Variants in VGLL4 observed in about 807,000 individuals in gnomAD.
VGLL4 encodes vestigial like family member 4, also known as transcription cofactor vestigial-like protein 4.
Under a neutral mutation model 21.0 loss-of-function variants are expected in VGLL4, and 7 were observed. That is an observed-to-expected ratio of 0.33 (90% CI 0.19 to 0.63). The LOEUF is 0.63. Among genes scored for constraint, VGLL4 ranks in the 20% least tolerant of loss-of-function variants. The probability of loss-of-function intolerance (pLI) is 0.78; values close to 1 mark genes in which losing one functional copy is unlikely to be tolerated. For synonymous variants in VGLL4, 222 were observed against 173.2 expected, an observed-to-expected ratio of 1.28 and a Z score of -2.21; for missense variants, 394 against 425.7, an observed-to-expected ratio of 0.93 and a Z score of 0.66.
chr3:11,581,580 A>C (rs542211515), intron 2 of VGLL4, among the ~76,000 whole-genome samples: 144 of 152,282 alleles, frequency 9.5e-4, no homozygotes, highest in Non-Finnish European at 1.7e-3. Context: ...TGACCGTACA[A>C]GTTACTGAGA....
intron 1 of VGLL4, chr3:11,604,225 C>T (rs1024590804): frequency 6.2e-5 from 19 of 305,498 alleles, no homozygotes; most frequent in African/African-American, 4.4e-4. Flanking sequence ...TGTAGTACTT[C>T]AGCATCTCAG....
intron 2 of VGLL4, among the ~76,000 whole-genome samples, chr3:11,684,730 C>CTGTGTGTGTGTG (rs61220485): frequency 0.015 from 2,222 of 148,756 alleles, 17 homozygotes; most frequent in South Asian, 0.022. Context: ...CAACCTTTTT[C>CTGTGTGTGTGTG]TGTGTGTGTG....
chr3:11,609,979 G>A (rs1298422947), intron 1 of VGLL4, among the ~76,000 whole-genome samples: 1 of 152,180 alleles, frequency 6.6e-6, no homozygotes, highest in Non-Finnish European at 1.5e-5. Context: ...TCTCCGCTGT[G>A]TCTAAGGCTT....
At chr3:11,578,120 C>T (rs1216220891) in intron 2 of VGLL4, among the ~76,000 whole-genome samples, 2 of 152,220 alleles carry the variant, frequency 1.3e-5, no homozygotes, top group Non-Finnish European at 2.9e-5. Flanking sequence ...TAACCTAAAG[C>T]ATCAGGATTA....
chr3:11,585,319 C>A (rs1211881016), intron 2 of VGLL4, among the ~76,000 whole-genome samples: 1 of 151,512 alleles, frequency 6.6e-6, no homozygotes, highest in Non-Finnish European at 1.5e-5. Flanking sequence ...GCCTGTAGTC[C>A]CAGCTACTTA....
At chr3:11,595,176 AC>A (rs879464262) in intron 2 of VGLL4, among the ~76,000 whole-genome samples, 17,102 of 152,262 alleles carry the variant, frequency 0.11, 1,160 homozygotes, top group East Asian at 0.25. Context: ...AAACAAACAA[AC>A]AAACAAAATA....
At chr3:11,598,230 T>C (rs917769428) in intron 2 of VGLL4, among the ~76,000 whole-genome samples, 2 of 151,058 alleles carry the variant, frequency 1.3e-5, no homozygotes, top group African/African-American at 4.9e-5. Flanking sequence ...TTTCACCATA[T>C]TGATCAGTCT....
intron 2 of VGLL4, among the ~76,000 whole-genome samples, chr3:11,657,668 G>T (rs2075977028): frequency 6.6e-6 from 1 of 152,194 alleles, no homozygotes; most frequent in Non-Finnish European, 1.5e-5. Flanking sequence ...AGTTCTAGGT[G>T]AGTCTGGCTA....
chr3:11,668,606 T>C (rs1575513402), intron 2 of VGLL4, among the ~76,000 whole-genome samples: 1 of 152,194 alleles, frequency 6.6e-6, no homozygotes, highest in East Asian at 1.9e-4. Context: ...TCTCAACGTG[T>C]CATCAGAAAC....
chr3:11,577,732 T>C (rs1288613338), intron 2 of VGLL4, among the ~76,000 whole-genome samples: 1 of 152,222 alleles, frequency 6.6e-6, no homozygotes, highest in Non-Finnish European at 1.5e-5. Context: ...GCTTAAACAC[T>C]ATCCAGACAG....
chr3:11,593,912 G>T (rs567221457), intron 2 of VGLL4, among the ~76,000 whole-genome samples: 1 of 152,334 alleles, frequency 6.6e-6, no homozygotes, highest in African/African-American at 2.4e-5. Flanking sequence ...CAGCTGGATG[G>T]AGCACAAGGC....
At chr3:11,665,340 C>A (rs2076104772) in intron 2 of VGLL4, among the ~76,000 whole-genome samples, 1 of 152,048 alleles carries the variant, frequency 6.6e-6, no homozygotes, top group Non-Finnish European at 1.5e-5. Context: ...GTCTCGATCT[C>A]CTGACCTCGT....
chr3:11,680,684 C>G (rs996943249), intron 2 of VGLL4, among the ~76,000 whole-genome samples: 2 of 152,230 alleles, frequency 1.3e-5, no homozygotes, highest in African/African-American at 4.8e-5. Context: ...TCACTCCAGA[C>G]AGTCCACTTA....
At position 11,604,273 on chromosome 3, in the gene VGLL4, G is replaced by GTGAATTCCAT. The variant is rs2074880902; in HGVS notation, c.83-2252_83-2251insATGGAATTCA. 2.0e-5 allele frequency: 12 copies of GTGAATTCCAT among 587,608 alleles called. 1 individual carries two copies. In the African/African-American group the frequency reaches 4.2e-4, roughly 20 times the overall value. 36.4% of individuals were successfully genotyped at this position (587,608 alleles called of 1,614,324 possible). ...GGAAGGAGCCCAGGAAGCACGGTTT[G>GTGAATTCCAT]CCTCATTTGATGGATGACGAAGCTG... On this transcript the variant is annotated intron_variant, in intron 1 of 4. Transcript: ENST00000430365.
At chr3:11,587,218 G>T (rs2074381932) in intron 2 of VGLL4, among the ~76,000 whole-genome samples, 2 of 152,144 alleles carry the variant, frequency 1.3e-5, no homozygotes, top group South Asian at 4.1e-4. Flanking sequence ...TCCAAAGGGG[G>T]CCAGAGCCAC....
intron 1 of VGLL4, among the ~76,000 whole-genome samples, chr3:11,707,327 CAAAAAAAA>C (rs34222383): frequency 1.9e-4 from 8 of 43,058 alleles, no homozygotes; most frequent in South Asian, 1.3e-3. Context: ...GACCCTGCCT[CAAAAAAAA>C]AAAAAAAAAA....
intron 1 of VGLL4, among the ~76,000 whole-genome samples, chr3:11,617,370 C>T (rs894718678): frequency 3.3e-5 from 5 of 152,116 alleles, no homozygotes; most frequent in Admixed American, 6.6e-5. Context: ...CACAGGTGAA[C>T]GGCTGAGACC....
chr3:11,681,120 C>T (rs1381738430), intron 2 of VGLL4, among the ~76,000 whole-genome samples: 1 of 152,154 alleles, frequency 6.6e-6, no homozygotes, highest in Non-Finnish European at 1.5e-5. Context: ...TGTTTTGAGA[C>T]GGAGTCTCGC....
At position 11,557,803 on chromosome 3, in the gene VGLL4, G is replaced by T. The variant is rs1053569041; in HGVS notation, c.*753C>A. ...CAGCTCTAGTCTAACAAACTGCAGT[G>T]TTCAGAGAAGATAAAATGCCCGTGA... On this transcript the variant is annotated 3_prime_UTR_variant, in exon 5 of 5. Coordinates refer to ENST00000430365, the MANE Select transcript of VGLL4 (RefSeq NM_001128219.3). 6.6e-6 allele frequency: 1 copy of T among 152,636 alleles called. No homozygotes were observed. The allele number at this position is 152,636 out of a possible 1,614,324, so 9.5% of individuals were successfully genotyped here.
Sources: allele counts gnomAD v4.1 joint callset (sites outside exome capture counted in the v4.1 genomes callset), GRCh38; gene constraint gnomAD v4.1.1; transcripts MANE v1.5; gene names NCBI Gene and HGNC (gene_info 2026-07-23, HGNC 2026-07-21).